The following FRMD3 variants were observed in gnomAD, a reference collection of about 807,000 sequenced individuals.
FRMD3 encodes the protein FERM domain-containing protein 3.
Under a neutral mutation model 70.2 loss-of-function variants are expected in FRMD3, and 33 were observed. The observed-to-expected ratio is 0.47, with a 90% CI of 0.36 to 0.63. The LOEUF is 0.63. FRMD3 is among the 20% of genes least tolerant of loss of function. FRMD3 has a pLI of 0.00. For missense variants in FRMD3, 632 were observed against 711.4 expected, an observed-to-expected ratio of 0.89 and a Z score of 1.27; for synonymous variants, 279 against 255.9, an observed-to-expected ratio of 1.09 and a Z score of -0.86.
chr9:83,545,641 G>A, the FRMD3 span, among the ~76,000 whole-genome samples: 7 of 152,028 alleles, frequency 4.6e-5, no homozygotes, highest in Non-Finnish European at 8.8e-5. Context: ...ACAGGAGTGA[G>A]CCACCACACC....
At chr9:83,407,656 A>G (rs1470753870) in intron 1 of FRMD3, among the ~76,000 whole-genome samples, 1 of 152,226 alleles carries the variant, frequency 6.6e-6, no homozygotes, top group Non-Finnish European at 1.5e-5. Flanking sequence ...ACTCTAAAAC[A>G]TAGGAGCAAA....
At chr9:83,407,986 C>A (rs1461492471) in intron 1 of FRMD3, among the ~76,000 whole-genome samples, 1 of 151,648 alleles carries the variant, frequency 6.6e-6, no homozygotes, top group African/African-American at 2.4e-5. Flanking sequence ...GGCTTCCTTA[C>A]ACCATGGCAG....
the FRMD3 span, among the ~76,000 whole-genome samples, chr9:83,575,772 C>T: frequency 5.3e-3 from 803 of 152,208 alleles, 13 homozygotes; most frequent in East Asian, 0.049. Flanking sequence ...AAACTTCCGA[C>T]GAGGAAAAGT....
At chr9:83,574,763 A>C in the FRMD3 span, among the ~76,000 whole-genome samples, 2 of 152,134 alleles carry the variant, frequency 1.3e-5, no homozygotes, top group Admixed American at 1.3e-4. Context: ...CCTTAGTCCA[A>C]CAGAGGACCT....
intron 1 of FRMD3, among the ~76,000 whole-genome samples, chr9:83,472,884 T>C (rs971779081): frequency 6.6e-6 from 1 of 152,150 alleles, no homozygotes. Context: ...AAAATGCCAG[T>C]AGGCTTTCCT....
intron 5 of FRMD3, among the ~76,000 whole-genome samples, chr9:83,341,425 G>A (rs1823754560): frequency 6.6e-6 from 1 of 152,084 alleles, no homozygotes; most frequent in South Asian, 2.1e-4. Context: ...TATTGAGCAT[G>A]TCCTTGGAGA....
intron 10 of FRMD3, 103 bp from the exon 11 acceptor site, chr9:83,299,289 T>G (rs374621565): frequency 1.3e-5 from 9 of 684,670 alleles, no homozygotes; most frequent in Non-Finnish European, 1.8e-5. Flanking sequence ...AAGAAAGAAA[T>G]GTAATTTACC....
At chr9:83,543,981 T>G in the FRMD3 span, among the ~76,000 whole-genome samples, 1 of 152,166 alleles carries the variant, frequency 6.6e-6, no homozygotes, top group Non-Finnish European at 1.5e-5. Flanking sequence ...CCAGGGCTAT[T>G]AAGGATGACT....
chr9:83,579,236 C>A, the FRMD3 span, among the ~76,000 whole-genome samples: 1 of 151,652 alleles, frequency 6.6e-6, no homozygotes, highest in Non-Finnish European at 1.5e-5. Context: ...CCTATACTAC[C>A]CAAAATTGTC....
intron 3 of FRMD3, among the ~76,000 whole-genome samples, chr9:83,356,261 A>T (rs1252326723): frequency 7.1e-6 from 1 of 140,740 alleles, no homozygotes; most frequent in African/African-American, 2.8e-5. Flanking sequence ...GAGAAGCATC[A>T]CTCAGCAGCA....
At chr9:83,473,107 A>G (rs1828310155) in intron 1 of FRMD3, among the ~76,000 whole-genome samples, 1 of 152,126 alleles carries the variant, frequency 6.6e-6, no homozygotes, top group Non-Finnish European at 1.5e-5. Flanking sequence ...AAAGACTTAG[A>G]TGTTCCCCCT....
intron 1 of FRMD3, among the ~76,000 whole-genome samples, chr9:83,499,154 G>C (rs988909189): frequency 2.0e-5 from 3 of 152,170 alleles, no homozygotes; most frequent in Non-Finnish European, 4.4e-5. Context: ...TGGCACGGGA[G>C]TGTCTATGTA....
chr9:83,535,029 G>C (rs1291677967), intron 1 of FRMD3, among the ~76,000 whole-genome samples: 2 of 152,172 alleles, frequency 1.3e-5, no homozygotes, highest in African/African-American at 2.4e-5. Context: ...ATAAGCTTTG[G>C]ATCCAGACAA....
In FRMD3 at chr9:83,538,351, C is replaced by A; in HGVS notation, c.-120G>T. On this transcript the variant is annotated 5_prime_UTR_variant, in exon 1 of 14. Coordinates refer to ENST00000304195, the MANE Select transcript of FRMD3 (RefSeq NM_174938.6). This position sits in a 1 kb window ranked among gnomAD's most constrained non-coding sequence, Gnocchi z 4.7. ...TGGGCGCGGCTCAGCCCCGGGACATCGGCAGCGTCGGGCGCCTGCGGACAC... is the reference window on the plus strand; with the variant it reads ...TGGGCGCGGCTCAGCCCCGGGACATAGGCAGCGTCGGGCGCCTGCGGACAC... 1 of 935,058 alleles carries A rather than the reference C, an allele frequency of 1.1e-6. No homozygotes were observed. Among genetic ancestry groups the A allele is most frequent in the Non-Finnish European group, 1.4e-6 (1 of 716,312 alleles). The allele number at this position is 935,058 out of a possible 1,614,324, so 57.9% of individuals were successfully genotyped here.
At chr9:83,458,700 T>A (rs945305047) in intron 1 of FRMD3, among the ~76,000 whole-genome samples, 8 of 151,564 alleles carry the variant, frequency 5.3e-5, no homozygotes, top group African/African-American at 1.9e-4. Flanking sequence ...ACAAGAAGAG[T>A]ACATCTACAA....
At chr9:83,318,055 A>G (rs1835653131) in intron 6 of FRMD3, among the ~76,000 whole-genome samples, 1 of 152,222 alleles carries the variant, frequency 6.6e-6, no homozygotes, top group Non-Finnish European at 1.5e-5. Flanking sequence ...GCCAATAACT[A>G]CATGAAAATG....
intron 1 of FRMD3, among the ~76,000 whole-genome samples, chr9:83,517,877 T>C (rs534111674): frequency 6.6e-6 from 1 of 152,084 alleles, no homozygotes; most frequent in African/African-American, 2.4e-5. Flanking sequence ...ACAGAACCAA[T>C]GACAAAAACT....
At chr9:83,284,390 ACAAGGGGAAGAGATCAAGACCAC>A in intron 13 of FRMD3, among the ~76,000 whole-genome samples, 3 of 152,156 alleles carry the variant, frequency 2.0e-5, no homozygotes, top group Non-Finnish European at 4.4e-5. Context: ...CGGGCAGATC[ACAAGGGGAAGAGATCAAGACCAC>A]CCTGGCCAAC....
chr9:83,312,097 T>C (rs958745633), intron 7 of FRMD3, 122 bp from the exon 8 acceptor site: 15 of 718,194 alleles, frequency 2.1e-5, no homozygotes, highest in Middle Eastern at 3.9e-4. Flanking sequence ...CCAATGATTG[T>C]AGCAATAAAC....
Sources: allele counts gnomAD v4.1 joint callset (sites outside exome capture counted in the v4.1 genomes callset), GRCh38; gene constraint gnomAD v4.1.1; non-coding constraint Gnocchi (gnomAD v3.1); transcripts MANE v1.5; gene names NCBI Gene and HGNC (gene_info 2026-07-23, HGNC 2026-07-21).